Variants in BRAF observed in about 807,000 individuals in gnomAD.
BRAF encodes the protein B-Raf proto-oncogene, serine/threonine kinase.
BRAF carries 16 observed loss-of-function variants against 104.6 expected under a neutral mutation model. The observed-to-expected ratio is 0.15, with a 90% CI of 0.10 to 0.23. The LOEUF (loss-of-function observed/expected upper bound fraction) is 0.23, where lower values mean the gene tolerates loss of function less well. Among genes scored for constraint, BRAF ranks in the 10% least tolerant of loss-of-function variants. The probability of loss-of-function intolerance (pLI) is 1.00; values close to 1 mark genes in which losing one functional copy is unlikely to be tolerated. For synonymous variants in BRAF, 310 were observed against 341.6 expected (o/e 0.91, Z 1.02); for missense variants, 541 against 937.3 (o/e 0.58, Z 5.52).
intron 1 of BRAF, among the ~76,000 whole-genome samples, chr7:140,905,254 A>T (rs1485238502): frequency 1.3e-5 from 2 of 152,204 alleles, no homozygotes; most frequent in African/African-American, 4.8e-5. Flanking sequence ...ATACCCCATT[A>T]AGACTGAGAA....
chr7:140,900,421 T>C (rs951653355), intron 1 of BRAF, among the ~76,000 whole-genome samples: 1 of 152,228 alleles, frequency 6.6e-6, no homozygotes, highest in Non-Finnish European at 1.5e-5. Flanking sequence ...GCATAACAGA[T>C]GGGGAAGTCT....
intron 14 of BRAF, among the ~76,000 whole-genome samples, chr7:140,763,676 C>G (rs1471785725): frequency 2.0e-5 from 3 of 152,230 alleles, no homozygotes; most frequent in Non-Finnish European, 4.4e-5. Context: ...CACCTCTATG[C>G]AAATAAACTA....
At chr7:140,867,374 A>G (rs966992161) in intron 1 of BRAF, among the ~76,000 whole-genome samples, 2 of 152,238 alleles carry the variant, frequency 1.3e-5, no homozygotes, top group African/African-American at 4.8e-5. Context: ...CTTTAAGATA[A>G]TTCCAATTTA....
In BRAF at chr7:140,800,278, T is replaced by C. The variant is rs1015097629; in HGVS notation, c.980+84A>G. 7 of 1,596,584 alleles carry C rather than the reference T, an allele frequency of 4.4e-6. No individual in the cohort carries two copies. The Admixed American group carries it at 8.4e-5, about 19-fold the overall frequency. ...AGTCCTTAATTTAACAATTTAAACATTGGAAAGGTTTCTAATTAACCAGGA... is the reference window on the plus strand; with the variant it reads ...AGTCCTTAATTTAACAATTTAAACACTGGAAAGGTTTCTAATTAACCAGGA... On this transcript the variant is annotated intron_variant, in intron 7 of 19. Coordinates refer to ENST00000644969, the MANE Select transcript of BRAF (RefSeq NM_001374258.1).
chr7:140,747,508 GATA>G (rs903118944), intron 17 of BRAF: 65 of 718,244 alleles, frequency 9.0e-5, no homozygotes, highest in Middle Eastern at 5.8e-4. Context: ...GTATTTTGGA[GATA>G]ATACTTGTTT....
At chr7:140,808,430 A>T in intron 4 of BRAF, 1 of 386,134 alleles carries the variant, frequency 2.6e-6, no homozygotes, top group Non-Finnish European at 4.9e-6. Context: ...CTCAAGGGAC[A>T]GGGACAACAT....
chr7:140,757,077 G>A (rs1323716569), intron 14 of BRAF, among the ~76,000 whole-genome samples: 1 of 152,084 alleles, frequency 6.6e-6, no homozygotes, highest in Non-Finnish European at 1.5e-5. Flanking sequence ...TGATTGTTAT[G>A]GCAGCCAAAG....
chr7:140,804,697 T>G lies in BRAF; in HGVS notation c.712-3137A>C, dbSNP rs558730003. Among the ~76,000 whole-genome samples the G allele has an allele frequency of 5.3e-5, 8 of 152,310 alleles. 1 individual carries two copies. Among genetic ancestry groups the G allele is most frequent in the African/African-American group, 1.9e-4 (8 of 41,564 alleles). On this transcript the variant is annotated intron_variant, in intron 5 of 19. Transcript: ENST00000644969. ...TATAACTGTATTCATACAACACTAC[T>G]TACCCTGACTATATACAACATGAAT...
chr7:140,901,907 C>T (rs1297393488), intron 1 of BRAF, among the ~76,000 whole-genome samples: 1 of 152,170 alleles, frequency 6.6e-6, no homozygotes, highest in East Asian at 1.9e-4. Flanking sequence ...TGAAGACAAA[C>T]TATCATTCAT....
At chr7:140,796,926 C>G (rs1488943043) in intron 7 of BRAF, among the ~76,000 whole-genome samples, 1 of 152,124 alleles carries the variant, frequency 6.6e-6, no homozygotes, top group African/African-American at 2.4e-5. Context: ...AAAAATATTA[C>G]CTGGTATCCT....
chr7:140,886,476 A>C (rs375626239), intron 1 of BRAF, among the ~76,000 whole-genome samples: 15 of 152,206 alleles, frequency 9.9e-5, no homozygotes, highest in East Asian at 3.9e-4. Flanking sequence ...ATCCCAGCCT[A>C]CCTCCTGCCT....
At chr7:140,795,026 T>A (rs932600376) in intron 7 of BRAF, among the ~76,000 whole-genome samples, 1 of 152,146 alleles carries the variant, frequency 6.6e-6, no homozygotes, top group Non-Finnish European at 1.5e-5. Context: ...AGTGCCAATA[T>A]CTCTCATATT....
chr7:140,811,984 A>C (rs1358883710), intron 3 of BRAF, among the ~76,000 whole-genome samples: 2 of 152,156 alleles, frequency 1.3e-5, no homozygotes, highest in East Asian at 1.9e-4. Flanking sequence ...CTAATGCCAA[A>C]ATTTCCTGAC....
At chr7:140,847,283 T>TA (rs889151538) in intron 2 of BRAF, among the ~76,000 whole-genome samples, 1 of 149,830 alleles carries the variant, frequency 6.7e-6, no homozygotes, top group African/African-American at 2.5e-5. Flanking sequence ...GGCCATTTTT[T>TA]AAAAAATTGC....
intron 10 of BRAF, 151 bp from the exon 10 acceptor site, chr7:140,783,308 G>T: frequency 2.3e-6 from 2 of 882,586 alleles, no homozygotes; most frequent in Non-Finnish European, 1.7e-6. Context: ...CCAAAAAGGG[G>T]CCTCATTTGG....
intron 3 of BRAF, among the ~76,000 whole-genome samples, chr7:140,816,053 T>C (rs535282033): frequency 1.3e-5 from 2 of 152,330 alleles, no homozygotes; most frequent in Admixed American, 6.5e-5. Flanking sequence ...ACTTTCACTG[T>C]TGGCAAAGAA....
chr7:140,818,304 A>C, intron 3 of BRAF, among the ~76,000 whole-genome samples: 1 of 151,814 alleles, frequency 6.6e-6, no homozygotes, highest in East Asian at 1.9e-4. Flanking sequence ...TTTTCCATAC[A>C]AGTATTTTAA....
chr7:140,802,472 T>A (rs1346617723), intron 5 of BRAF, among the ~76,000 whole-genome samples: 1 of 151,692 alleles, frequency 6.6e-6, no homozygotes, highest in Admixed American at 6.6e-5. Flanking sequence ...AATTTTCCTA[T>A]TTTTTATTAG....
intron 17 of BRAF, among the ~76,000 whole-genome samples, chr7:140,741,964 A>AC (rs1009000421): frequency 7.2e-5 from 11 of 152,094 alleles, no homozygotes; most frequent in African/African-American, 2.7e-4. Context: ...CTCAAAAAAA[A>AC]AAAAATTCTT....
Sources: allele counts gnomAD v4.1 joint callset (sites outside exome capture counted in the v4.1 genomes callset), GRCh38; gene constraint gnomAD v4.1.1; transcripts MANE v1.5; gene names NCBI Gene and HGNC (gene_info 2026-07-23, HGNC 2026-07-21).